The following BTBD19 variants were observed in gnomAD, a reference collection of about 807,000 sequenced individuals.
BTBD19 encodes BTB/POZ domain-containing protein 19.
BTBD19 carries 20 observed loss-of-function variants against 36.1 expected under a neutral mutation model. The ratio of observed to expected loss-of-function variants is 0.55; its 90% confidence interval spans 0.39 to 0.80. BTBD19 has a LOEUF of 0.80. Among genes scored for constraint, BTBD19 ranks in the 30% least tolerant of loss-of-function variants. BTBD19 has a pLI of 0.00. For missense variants in BTBD19, 325 were observed against 389.8 expected, an observed-to-expected ratio of 0.83 and a Z score of 1.40; for synonymous variants, 157 against 174.3, an observed-to-expected ratio of 0.90 and a Z score of 0.78.
intron 3 of BTBD19, among the ~76,000 whole-genome samples, chr1:44,811,175 C>T (rs1448862083): frequency 6.7e-6 from 1 of 148,346 alleles, no homozygotes; most frequent in Non-Finnish European, 1.5e-5. Flanking sequence ...GAGCTGAAAT[C>T]GTGCCACTGC....
At chr1:44,812,786 CGTGT>C (rs6143210) in intron 4 of BTBD19, among the ~76,000 whole-genome samples, 12,971 of 134,410 alleles carry the variant, frequency 0.097, 694 homozygotes, top group East Asian at 0.21. Flanking sequence ...AGTGAGTCCA[CGTGT>C]GTGTGTGTGT....
intron 4 of BTBD19, 63 bp downstream of exon 4, chr1:44,812,161 A>T: frequency 7.7e-6 from 9 of 1,168,382 alleles, no homozygotes; most frequent in South Asian, 1.3e-5. Context: ...GGCTCCCAGC[A>T]CCTGGGAGCC....
exon 1 of BTBD19, chr1:44,808,741 C>G (rs1372300142): frequency 9.8e-6 from 10 of 1,024,400 alleles, no homozygotes; most frequent in Non-Finnish European, 1.4e-5. Context: ...TTCTCCCTCT[C>G]AGGCCTTGCT....
At chr1:44,808,970 G>A in intron 1 of BTBD19, 64 bp downstream of exon 1, 1 of 1,348,926 alleles carries the variant, frequency 7.4e-7, no homozygotes, top group Non-Finnish European at 1.0e-6. Context: ...GGACTCTAAG[G>A]AGGCCCTGGT....
At chr1:44,808,561 A>C in exon 1 of BTBD19, 2 of 329,972 alleles carry the variant, frequency 6.1e-6, no homozygotes, top group African/African-American at 2.2e-5. Context: ...CCAGCCAGCC[A>C]GCTTCTTCCC....
chr1:44,812,987 T>C lies in BTBD19; in HGVS notation c.415-9T>C. On this transcript the variant is annotated splice_polypyrimidine_tract_variant and intron_variant, in intron 4 of 7. Coordinates refer to ENST00000450269, the Ensembl canonical transcript of BTBD19. Reference sequence around the variant, plus strand: ...GTCTCCAACCTGATCTCCCTCATTCTGCTCGCAGGTGGCCGTAACCTTTGG... The same window carrying C: ...GTCTCCAACCTGATCTCCCTCATTCCGCTCGCAGGTGGCCGTAACCTTTGG... 5.8e-6 allele frequency: 9 copies of C among 1,548,784 alleles called. No homozygotes were observed. Among genetic ancestry groups the C allele is most frequent in the Non-Finnish European group, 7.9e-6 (9 of 1,145,128 alleles).
chr1:44,812,968 A>C (rs1388604668), intron 4 of BTBD19, 28 bp from the exon 5 acceptor site: 1 of 1,535,708 alleles, frequency 6.5e-7, no homozygotes, highest in Non-Finnish European at 8.8e-7. Context: ...TCCAGTCTCC[A>C]ACCTGATCTC....
chr1:44,812,858 T>C, intron 4 of BTBD19, 138 bp from the exon 5 acceptor site: 2 of 656,874 alleles, frequency 3.0e-6, no homozygotes, highest in Non-Finnish European at 5.2e-6. Context: ...TCATTGGGTC[T>C]AGTTTCCTGG....
chr1:44,809,573 C>A (rs555912532), intron 1 of BTBD19, among the ~76,000 whole-genome samples: 1 of 152,314 alleles, frequency 6.6e-6, no homozygotes, highest in African/African-American at 2.4e-5. Flanking sequence ...AATGTGAACC[C>A]CCCAGGCTTT....
Position 44,813,399 on chromosome 1 carries a change from A to G in BTBD19, c.641A>G (p.Glu214Gly), listed in dbSNP as rs1371510431. 2 of 1,539,318 alleles carry G rather than the reference A, an allele frequency of 1.3e-6. No individual in the cohort carries two copies. The highest frequency in any genetic ancestry group is 3.9e-5 in the Admixed American group (2 of 50,662). The stretch of plus-strand genomic sequence containing the variant: ...GCGGTGCTGGAGCGGCCGGTGGCTG[A>G]GGTGGCGGCCCCGGTGGTGAAAGAG... Residue 214 changes from glutamate to glycine, a missense_variant, in exon 7 of 8, where the codon GAG (glutamate) becomes GGG (glycine). Glu to Gly is a moderately conservative substitution (Grantham distance 98, BLOSUM62 -2). Transcript: ENST00000450269. This position sits in a 1 kb window ranked among gnomAD's most constrained non-coding sequence, Gnocchi z 7.8.
exon 1 of BTBD19, chr1:44,808,701 T>A: frequency 1.5e-6 from 1 of 687,196 alleles, no homozygotes; most frequent in Non-Finnish European, 2.4e-6. Flanking sequence ...AACTTCAGCT[T>A]CTCAGCAAAC....
At chr1:44,811,870 C>A in intron 3 of BTBD19, 169 bp from the exon 4 acceptor site, 1 of 425,896 alleles carries the variant, frequency 2.3e-6, no homozygotes, top group South Asian at 1.8e-5. Flanking sequence ...TTCCTGTAAG[C>A]CTGCTGTCTC....
chr1:44,811,410 C>T (rs962449078), intron 3 of BTBD19, among the ~76,000 whole-genome samples: 4 of 152,104 alleles, frequency 2.6e-5, no homozygotes, highest in African/African-American at 9.7e-5. Flanking sequence ...ATTCTAGTCA[C>T]AGAGGCACCA....
chr1:44,813,571 C>T lies in BTBD19; in HGVS notation c.742-67C>T. ...GGGCGCTGGGAGGGGGCAGGAGCAG[C>T]CCGGCCCACGGTCCTCGGGGCGAGG... On this transcript the variant is annotated intron_variant, in intron 7 of 7. Coordinates refer to ENST00000450269, the Ensembl canonical transcript of BTBD19. The surrounding 1 kb of genome is among the most constrained non-coding windows in gnomAD (Gnocchi z 7.8). 8 of 1,534,546 alleles carry T rather than the reference C, an allele frequency of 5.2e-6. No individual in the cohort carries two copies. The South Asian group carries it at 9.8e-5, about 19-fold the overall frequency.
At chr1:44,812,233 A>G in intron 4 of BTBD19, 135 bp downstream of exon 4, 1 of 594,012 alleles carries the variant, frequency 1.7e-6, no homozygotes, top group Non-Finnish European at 2.9e-6. Context: ...GGGTGCTCCA[A>G]GGATGTTTAT....
At position 44,813,089 on chromosome 1, in the gene BTBD19, C is replaced by A; in HGVS notation, c.483+25C>A. 1 of 1,547,550 alleles carries A rather than the reference C, an allele frequency of 6.5e-7. No individual in the cohort carries two copies. Among genetic ancestry groups the A allele is most frequent in the Non-Finnish European group, 8.7e-7 (1 of 1,143,958 alleles). On this transcript the variant is annotated intron_variant, in intron 5 of 7. Transcript: ENST00000450269. This position sits in a 1 kb window ranked among gnomAD's most constrained non-coding sequence, Gnocchi z 7.8. ...GGTACTGCTCCCTTCATACTCCTCA[C>A]CCTACGCACCGCATTCTGCTCCTCC...
At chr1:44,814,340 C>T (rs1423259261), downstream of BTBD19, 1 of 151,896 alleles carries the variant, frequency 6.6e-6, no homozygotes, top group Non-Finnish European at 1.5e-5. Flanking sequence ...CACTCTCGCC[C>T]AGGCCGGAGG....
chr1:44,814,220 CTTT>C (rs1652615872), downstream of BTBD19: 54 of 119,716 alleles, frequency 4.5e-4, no homozygotes, highest in Middle Eastern at 3.5e-3. Context: ...CTTTTTCTTT[CTTT>C]CTCTTTCCTT....
chr1:44,813,752 C>G lies in BTBD19; in HGVS notation c.856C>G (p.Leu286Val). The change falls in exon 8 of 8, where the codon CTG becomes GTG. Residue 286 changes from leucine to valine, a missense_variant. By Grantham distance (32) the Leu-to-Val change is conservative. Transcript: ENST00000450269. This position sits in a 1 kb window ranked among gnomAD's most constrained non-coding sequence, Gnocchi z 7.8. ...CCTGCCCCGGGAGCATCACCGCTTTCTGGACCTGTCCTTCAAATGATCCAA... is the reference window on the plus strand; with the variant it reads ...CCTGCCCCGGGAGCATCACCGCTTTGTGGACCTGTCCTTCAAATGATCCAA... 6.4e-7 allele frequency: 1 copy of G among 1,551,494 alleles called. No individual in the cohort carries two copies. Among genetic ancestry groups the G allele is most frequent in the Non-Finnish European group, 8.7e-7 (1 of 1,146,854 alleles).
Sources: allele counts gnomAD v4.1 joint callset (sites outside exome capture counted in the v4.1 genomes callset), GRCh38; gene constraint gnomAD v4.1.1; non-coding constraint Gnocchi (gnomAD v3.1); transcripts MANE v1.5; gene names NCBI Gene and HGNC (gene_info 2026-07-23, HGNC 2026-07-21).